DAPK1: variants seen among roughly 807,000 people sequenced by gnomAD.
DAPK1 encodes the protein death-associated protein kinase 1.
In DAPK1, 56 loss-of-function variants were observed where a neutral mutation model predicts 144.9. The ratio of observed to expected loss-of-function variants is 0.39; its 90% confidence interval spans 0.31 to 0.48. The LOEUF (loss-of-function observed/expected upper bound fraction) is 0.48, where lower values mean the gene tolerates loss of function less well. Ranked by LOEUF, DAPK1 falls within the 20% of genes least tolerant of loss-of-function variation. The pLI, the probability that DAPK1 is intolerant of heterozygous loss-of-function variation, is 0.95. For synonymous variants in DAPK1, 690 were observed against 749.0 expected (o/e 0.92, Z 1.29); for missense variants, 1,454 against 1,875.4 (o/e 0.78, Z 4.15).
chr9:87,510,779 A>G (rs772356798), intron 2 of DAPK1, among the ~76,000 whole-genome samples: 5 of 152,190 alleles, frequency 3.3e-5, no homozygotes, highest in Non-Finnish European at 7.3e-5. Flanking sequence ...GTCTCCACAA[A>G]ACACATTAGC....
rs945553938 is a variant in DAPK1 at position 87,650,301 on chromosome 9, T to C, written c.1626+183T>C. The stretch of plus-strand genomic sequence containing the variant: ...TCTATATTGTATTTAATAGTTAATA[T>C]TAATTTATGGCATATAACAAAATTC... On this transcript the variant is annotated intron_variant, in intron 16 of 25. Transcript: ENST00000408954. The C allele has an allele frequency of 8.4e-6, 5 of 593,948 alleles. No individual in the cohort carries two copies. In the African/African-American group the frequency reaches 9.3e-5, roughly 11 times the overall value. 36.8% of individuals were successfully genotyped at this position (593,948 alleles called of 1,614,324 possible).
chr9:87,681,006 C>T (rs1200141806), intron 19 of DAPK1, among the ~76,000 whole-genome samples: 9 of 152,190 alleles, frequency 5.9e-5, no homozygotes, highest in African/African-American at 1.2e-4. Flanking sequence ...CCGCCAGGCA[C>T]GGTGGCTCAC....
intron 2 of DAPK1, among the ~76,000 whole-genome samples, chr9:87,538,612 C>T (rs964457042): frequency 6.6e-6 from 1 of 152,132 alleles, no homozygotes; most frequent in African/African-American, 2.4e-5. Context: ...TTTTAAAATA[C>T]TGAAATAAGT....
At chr9:87,513,916 T>C (rs1824948326) in intron 2 of DAPK1, among the ~76,000 whole-genome samples, 1 of 152,190 alleles carries the variant, frequency 6.6e-6, no homozygotes, top group Non-Finnish European at 1.5e-5. Flanking sequence ...GGGGGCTGTC[T>C]TGTGCATTGT....
In DAPK1 at chr9:87,650,080, C is replaced by T. The variant is rs1224537079; in HGVS notation, c.1588C>T (p.Leu530=). The T allele has an allele frequency of 6.2e-7, 1 of 1,614,046 alleles. No homozygotes were observed. The highest frequency in any genetic ancestry group is 8.5e-7 in the Non-Finnish European group (1 of 1,180,054). Residue 530 remains leucine, a synonymous_variant, in exon 16 of 26, where the codon CTG becomes TTG. Transcript: ENST00000408954. ...ARGYHDIVEC[L]AEHGADLNAC... Reference sequence around the variant, plus strand: ...GGGCTACCACGACATCGTGGAGTGTCTGGCCGAACATGGAGCCGACCTTAA... The same window carrying T: ...GGGCTACCACGACATCGTGGAGTGTTTGGCCGAACATGGAGCCGACCTTAA...
intron 2 of DAPK1, among the ~76,000 whole-genome samples, chr9:87,603,494 C>T (rs1013783603): frequency 2.6e-5 from 4 of 152,238 alleles, no homozygotes; most frequent in Non-Finnish European, 4.4e-5. Flanking sequence ...GATAATCCTT[C>T]TCTCTGTGTT....
intron 2 of DAPK1, among the ~76,000 whole-genome samples, chr9:87,500,312 G>T (rs1824344274): frequency 1.3e-5 from 2 of 152,162 alleles, no homozygotes; most frequent in Non-Finnish European, 2.9e-5. Context: ...TCTGTATATT[G>T]ATGATCTGGT....
intron 2 of DAPK1, among the ~76,000 whole-genome samples, chr9:87,522,150 A>G (rs1327083672): frequency 1.3e-5 from 2 of 152,240 alleles, no homozygotes; most frequent in East Asian, 1.9e-4. Context: ...CAGAAAATGG[A>G]CTAAGACAGT....
intron 2 of DAPK1, among the ~76,000 whole-genome samples, chr9:87,521,745 A>G (rs148515107): frequency 6.6e-6 from 1 of 152,312 alleles, no homozygotes; most frequent in Non-Finnish European, 1.5e-5. Context: ...TTGATGACTT[A>G]TGGTAGTTGC....
chr9:87,521,033 A>G (rs1263500976), intron 2 of DAPK1, among the ~76,000 whole-genome samples: 3 of 152,234 alleles, frequency 2.0e-5, no homozygotes, highest in Non-Finnish European at 4.4e-5. Context: ...TAGTAAATTT[A>G]TTACCATTAA....
intron 2 of DAPK1, among the ~76,000 whole-genome samples, chr9:87,595,882 T>C (rs60796782): frequency 0.068 from 10,333 of 152,278 alleles, 1,198 homozygotes; most frequent in African/African-American, 0.23. Flanking sequence ...CAACCTGAGC[T>C]GCTTGCTCTA....
chr9:87,669,344 G>T (rs973412617), intron 19 of DAPK1, among the ~76,000 whole-genome samples: 4 of 49,318 alleles, frequency 8.1e-5, no homozygotes, highest in African/African-American at 3.8e-4. Context: ...TGCTTGGGGT[G>T]GGGGGGGGTC....
chr9:87,548,535 T>C (rs1826348523), intron 2 of DAPK1, among the ~76,000 whole-genome samples: 1 of 152,224 alleles, frequency 6.6e-6, no homozygotes, highest in South Asian at 2.1e-4. Context: ...TGATTGATAC[T>C]CTTTTCTTTG....
intron 17 of DAPK1, chr9:87,657,731 G>T: frequency 2.5e-6 from 1 of 404,380 alleles, no homozygotes; most frequent in East Asian, 5.8e-5. Context: ...TGCAGATCTT[G>T]CTGGAACTCT....
intron 2 of DAPK1, among the ~76,000 whole-genome samples, chr9:87,590,153 A>G (rs554905329): frequency 7.2e-5 from 11 of 152,140 alleles, no homozygotes; most frequent in Non-Finnish European, 1.3e-4. Context: ...TTGAACATCA[A>G]TATGGCTTCA....
At chr9:87,554,447 A>T (rs1313362280) in intron 2 of DAPK1, 4 of 79,572 alleles carry the variant, frequency 5.0e-5, no homozygotes, top group Non-Finnish European at 8.1e-5. Context: ...ATGTAATACT[A>T]AAAAAAAAAA....
At chr9:87,540,480 C>T (rs1482892726) in intron 2 of DAPK1, among the ~76,000 whole-genome samples, 4 of 152,250 alleles carry the variant, frequency 2.6e-5, no homozygotes, top group South Asian at 4.2e-4. Context: ...CATGAGCCGC[C>T]GTGCCTGGCC....
intron 2 of DAPK1, among the ~76,000 whole-genome samples, chr9:87,597,505 C>G (rs1828360744): frequency 6.6e-6 from 1 of 152,134 alleles, no homozygotes; most frequent in Non-Finnish European, 1.5e-5. Flanking sequence ...TCCTGAAATC[C>G]TGTCTTCTTG....
chr9:87,570,099 T>C (rs1186678984), intron 2 of DAPK1, among the ~76,000 whole-genome samples: 1 of 151,762 alleles, frequency 6.6e-6, no homozygotes. Flanking sequence ...TGAGTCACTT[T>C]CTATTTTTTT....
Sources: gnomAD v4.1 joint callset for allele counts (sites outside exome capture counted in the v4.1 genomes callset) on GRCh38, gnomAD v4.1.1 for gene constraint, MANE v1.5 for transcripts, NCBI Gene and HGNC (gene_info 2026-07-23, HGNC 2026-07-21) for gene names.